The following TAF3 variants were observed in gnomAD, a reference collection of about 807,000 sequenced individuals.
TAF3 encodes the protein transcription initiation factor TFIID subunit 3.
A neutral mutation model predicts 80.6 loss-of-function variants in TAF3; 7 were observed. The observed-to-expected ratio is 0.09, with a 90% CI of 0.05 to 0.16. TAF3 has a LOEUF of 0.16. Ranked by LOEUF, TAF3 falls within the 10% of genes least tolerant of loss-of-function variation. The pLI is 1.00. For synonymous variants in TAF3, 444 were observed against 446.1 expected, an observed-to-expected ratio of 1.00 and a Z score of 0.06; for missense variants, 921 against 1,140.2, an observed-to-expected ratio of 0.81 and a Z score of 2.77.
At chr10:7,922,042 T>C (rs1292471402) in intron 2 of TAF3, among the ~76,000 whole-genome samples, 1 of 152,136 alleles carries the variant, frequency 6.6e-6, no homozygotes, top group Admixed American at 6.5e-5. Context: ...ATTATGTTCG[T>C]ATTTGTTTTA....
intron 2 of TAF3, among the ~76,000 whole-genome samples, chr10:7,856,250 C>A (rs907943790): frequency 6.6e-5 from 10 of 151,620 alleles, no homozygotes; most frequent in Admixed American, 2.0e-4. Flanking sequence ...CCGAGGCGGG[C>A]GGATCACTTG....
At chr10:7,878,713 G>GTATA (rs1201632685) in intron 2 of TAF3, among the ~76,000 whole-genome samples, 1 of 150,238 alleles carries the variant, frequency 6.7e-6, no homozygotes, top group African/African-American at 2.5e-5. Flanking sequence ...ATGTATGTAT[G>GTATA]TATGTATGTA....
At chr10:7,896,478 C>T (rs1249499392) in intron 2 of TAF3, among the ~76,000 whole-genome samples, 2 of 152,190 alleles carry the variant, frequency 1.3e-5, no homozygotes, top group South Asian at 2.1e-4. Flanking sequence ...GCCACCCACT[C>T]AGCCAGCTGG....
At chr10:7,828,824 A>G (rs1366559683) in intron 2 of TAF3, among the ~76,000 whole-genome samples, 1 of 152,052 alleles carries the variant, frequency 6.6e-6, no homozygotes, top group Non-Finnish European at 1.5e-5. Flanking sequence ...ACTTGAGGTC[A>G]GGAGTTCAAG....
chr10:7,988,220 G>T (rs150631730), intron 4 of TAF3, among the ~76,000 whole-genome samples: 1 of 152,090 alleles, frequency 6.6e-6, no homozygotes, highest in Non-Finnish European at 1.5e-5. Flanking sequence ...CCAGCACTGC[G>T]GGAGGATCGC....
intron 1 of TAF3, among the ~76,000 whole-genome samples, chr10:7,822,416 C>T (rs528193503): frequency 4.8e-4 from 73 of 151,124 alleles, no homozygotes; most frequent in African/African-American, 1.5e-3. Context: ...TGTTTACATT[C>T]AGTAAGAAGA....
chr10:7,865,639 G>A (rs541250596), intron 2 of TAF3, among the ~76,000 whole-genome samples: 75 of 152,334 alleles, frequency 4.9e-4, no homozygotes, highest in Middle Eastern at 3.4e-3. Context: ...CAGGGTGGAT[G>A]CAGCCACGTG....
rs191463362 is a variant in TAF3 at position 7,904,322 on chromosome 10, C to A, written c.410-59598C>A. 4.3e-3 allele frequency among the ~76,000 whole-genome samples: 653 copies of A among 152,248 alleles called. 3 individuals are homozygous for A. Among genetic ancestry groups the A allele is most frequent in the Non-Finnish European group, 6.5e-3 (445 of 68,012 alleles). ...CCTCCCTAACCAAGCAAGACTGGTT[C>A]CTTTCTATTTATGCTTTGTAGCCCT... On this transcript the variant is annotated intron_variant, in intron 2 of 6. Transcript: ENST00000344293.
chr10:7,941,130 G>T (rs751629557), intron 2 of TAF3, among the ~76,000 whole-genome samples: 16 of 152,160 alleles, frequency 1.1e-4, no homozygotes, highest in Admixed American at 3.3e-4. Context: ...GAAGCTGAAG[G>T]TAAGGCATGG....
chr10:7,963,914 T>C lies in TAF3; in HGVS notation c.410-6T>C. ...ATTTTTTTCTTCCTTTTTCTTCCTT[T>C]ACCAGAAGAAGAAGAAGAGCAGGTG... On this transcript the variant is annotated splice_region_variant and splice_polypyrimidine_tract_variant and intron_variant, in intron 2 of 6. Coordinates refer to ENST00000344293, the MANE Select transcript of TAF3 (RefSeq NM_031923.4). The C allele has an allele frequency of 6.5e-7, 1 of 1,547,116 alleles. No homozygotes were observed. Among genetic ancestry groups the C allele is most frequent in the Non-Finnish European group, 8.7e-7 (1 of 1,152,054 alleles).
At chr10:7,884,744 G>T (rs760502889) in intron 2 of TAF3, among the ~76,000 whole-genome samples, 9 of 152,132 alleles carry the variant, frequency 5.9e-5, no homozygotes, top group Non-Finnish European at 1.0e-4. Context: ...ACTGGTCATT[G>T]CTATTACAAT....
intron 2 of TAF3, among the ~76,000 whole-genome samples, chr10:7,847,894 C>T (rs924059423): frequency 4.6e-5 from 7 of 152,080 alleles, no homozygotes; most frequent in East Asian, 3.9e-4. Flanking sequence ...CTGAGCCTCC[C>T]GAGTAGCTGA....
At chr10:7,821,004 T>C (rs889850279) in intron 1 of TAF3, among the ~76,000 whole-genome samples, 2 of 152,186 alleles carry the variant, frequency 1.3e-5, no homozygotes, top group African/African-American at 2.4e-5. Flanking sequence ...TCTTTAGATA[T>C]TCAAAATGTC....
rs1457630629 is a variant in TAF3 at position 7,884,913 on chromosome 10, CTG to C, written c.409+60357_409+60358del. ...GATTTAATATCATACAGCTCACTAT[CTG>C]TGTAATTCTAGAATATACAGAAAAC... On this transcript the variant is annotated intron_variant, in intron 2 of 6. Transcript: ENST00000344293. 5.3e-5 allele frequency among the ~76,000 whole-genome samples: 8 copies of C among 152,136 alleles called. No homozygotes were observed. In the East Asian group the frequency reaches 1.5e-3, roughly 29 times the overall value.
chr10:7,980,445 T>G (rs1831715931), intron 4 of TAF3, among the ~76,000 whole-genome samples: 1 of 152,188 alleles, frequency 6.6e-6, no homozygotes, highest in African/African-American at 2.4e-5. Context: ...GATTTAACAT[T>G]CCTGGAAACT....
intron 2 of TAF3, among the ~76,000 whole-genome samples, chr10:7,906,111 G>A (rs1030746562): frequency 5.3e-5 from 8 of 152,138 alleles, no homozygotes; most frequent in African/African-American, 1.9e-4. Flanking sequence ...TATTACTTGA[G>A]TATTTTAGAA....
intron 2 of TAF3, among the ~76,000 whole-genome samples, chr10:7,829,029 CAAAAAAAAAAAAAAAAAA>C (rs59969868): frequency 1.5e-5 from 1 of 66,808 alleles, no homozygotes; most frequent in African/African-American, 6.5e-5. Context: ...GACTCCGTCT[CAAAAAAAAAAAAAAAAAA>C]AAAAAAAAAA....
chr10:7,844,496 C>A (rs955213295), intron 2 of TAF3, among the ~76,000 whole-genome samples: 3 of 151,762 alleles, frequency 2.0e-5, no homozygotes, highest in Non-Finnish European at 2.9e-5. Flanking sequence ...CCTGCCTCAG[C>A]CTCCTGAGTA....
intron 4 of TAF3, among the ~76,000 whole-genome samples, chr10:8,008,640 A>T (rs980632302): frequency 6.6e-6 from 1 of 152,224 alleles, no homozygotes; most frequent in Non-Finnish European, 1.5e-5. Context: ...TTTCTTGCCC[A>T]TCTCCAGTGT....
Sources: gnomAD v4.1 joint callset for allele counts (sites outside exome capture counted in the v4.1 genomes callset) on GRCh38, gnomAD v4.1.1 for gene constraint, MANE v1.5 for transcripts, NCBI Gene and HGNC (gene_info 2026-07-23, HGNC 2026-07-21) for gene names.